Variants in CUBN observed in about 807,000 individuals in gnomAD.
CUBN encodes 460 kDa receptor.
CUBN carries 282 observed loss-of-function variants against 405.3 expected under a neutral mutation model. The ratio of observed to expected loss-of-function variants is 0.70; its 90% CI spans 0.63 to 0.77. The LOEUF (loss-of-function observed/expected upper bound fraction) is 0.77, where lower values mean the gene tolerates loss of function less well. Ranked by LOEUF, CUBN falls within the 30% of genes least tolerant of loss-of-function variation. CUBN has a pLI of 0.00. For missense variants in CUBN, 4,514 were observed against 4,475.2 expected (o/e 1.01, Z -0.25); for synonymous variants, 1,684 against 1,617.0 (o/e 1.04, Z -0.99).
In CUBN at chr10:16,948,747, G is replaced by A. The variant is rs1842849643; in HGVS notation, c.5081-141C>T. On this transcript the variant is annotated intron_variant, in intron 34 of 66. Coordinates refer to ENST00000377833, the MANE Select transcript of CUBN (RefSeq NM_001081.4). ...CCACTAGGAGAACCACTTCATTCAG[G>A]GTCAATGTTTGAGACAATACCTGAT... The A allele has an allele frequency of 8.1e-6, 8 of 993,728 alleles. No homozygotes were observed. The East Asian group carries it at 2.2e-4, about 27-fold the overall frequency. 61.6% of individuals were successfully genotyped at this position (993,728 alleles called of 1,614,324 possible). A position where few individuals can be genotyped will look rare whatever the true frequency, so the allele number is the denominator to read the frequency against.
At chr10:17,106,376 C>T (rs1836630344) in intron 10 of CUBN, among the ~76,000 whole-genome samples, 2 of 151,104 alleles carry the variant, frequency 1.3e-5, no homozygotes, top group South Asian at 4.2e-4. Context: ...CCGAGGCAGG[C>T]GGATCACCTG....
chr10:16,984,556 TC>T (rs1833366685), intron 29 of CUBN, among the ~76,000 whole-genome samples: 2 of 152,164 alleles, frequency 1.3e-5, no homozygotes, highest in Admixed American at 1.3e-4. Context: ...TCCAGAATCT[TC>T]CCTATCTCCT....
At chr10:17,104,662 A>T in intron 11 of CUBN, 57 bp from the exon 12 acceptor site, 1 of 1,142,132 alleles carries the variant, frequency 8.8e-7, no homozygotes, top group Non-Finnish European at 1.3e-6. Context: ...ACTAAACTTT[A>T]ATCAACCCAA....
At chr10:16,951,568 C>A (rs1223066169) in intron 33 of CUBN, among the ~76,000 whole-genome samples, 1 of 152,158 alleles carries the variant, frequency 6.6e-6, no homozygotes, top group Non-Finnish European at 1.5e-5. Flanking sequence ...CCCAGCATCA[C>A]CCGCTTTGCA....
intron 50 of CUBN, among the ~76,000 whole-genome samples, chr10:16,905,215 C>T (rs1364291918): frequency 1.3e-5 from 2 of 152,110 alleles, no homozygotes; most frequent in African/African-American, 2.4e-5. Flanking sequence ...CCTCTATCTA[C>T]TTGTTTATTT....
intron 14 of CUBN, among the ~76,000 whole-genome samples, chr10:17,089,782 C>T (rs549337533): frequency 3.9e-5 from 6 of 152,148 alleles, no homozygotes; most frequent in Admixed American, 1.3e-4. Flanking sequence ...AAATACAATA[C>T]GACAAGTGAA....
chr10:16,867,555 G>C (rs947627622), intron 59 of CUBN, among the ~76,000 whole-genome samples: 12 of 152,182 alleles, frequency 7.9e-5, no homozygotes, highest in Non-Finnish European at 1.5e-4. Flanking sequence ...TAGTTACAAT[G>C]ACTTGAAGTA....
At chr10:17,115,624 C>T in intron 6 of CUBN, 27 bp from the exon 7 acceptor site, 1 of 1,613,974 alleles carries the variant, frequency 6.2e-7, no homozygotes. Context: ...AGCACAATGT[C>T]AGGGCACGCG....
At chr10:16,914,111 T>A (rs553534430) in intron 47 of CUBN, 119 bp from the exon 48 acceptor site, 38 of 1,060,452 alleles carry the variant, frequency 3.6e-5, no homozygotes, top group South Asian at 3.2e-4. Context: ...TTAGTCTCCA[T>A]ATTTATTTAT....
At chr10:16,922,248 A>G (rs1474807292) in intron 43 of CUBN, among the ~76,000 whole-genome samples, 3 of 151,928 alleles carry the variant, frequency 2.0e-5, no homozygotes, top group Non-Finnish European at 4.4e-5. Context: ...AAACCTAACA[A>G]CTGCTCCTAA....
chr10:17,014,121 C>G (rs1450891628), intron 28 of CUBN, among the ~76,000 whole-genome samples: 2 of 152,188 alleles, frequency 1.3e-5, no homozygotes, highest in East Asian at 3.8e-4. Flanking sequence ...CCATTTACAT[C>G]ATGAGTAGTC....
chr10:17,076,481 C>G (rs942540582), intron 17 of CUBN, among the ~76,000 whole-genome samples: 2 of 47,878 alleles, frequency 4.2e-5, no homozygotes, highest in Non-Finnish European at 7.0e-5. Context: ...TGCACCCCCA[C>G]CAAAAAAAAA....
At chr10:16,900,904 A>C in intron 52 of CUBN, 54 bp from the exon 53 acceptor site, 1 of 1,164,586 alleles carries the variant, frequency 8.6e-7, no homozygotes, top group Non-Finnish European at 1.3e-6. Context: ...ACTGTTACGA[A>C]GATAAGGCCC....
At chr10:16,889,869 G>A (rs1364831804) in intron 55 of CUBN, among the ~76,000 whole-genome samples, 3 of 149,914 alleles carry the variant, frequency 2.0e-5, no homozygotes, top group Non-Finnish European at 4.4e-5. Flanking sequence ...CCCAGGACGT[G>A]GAGGGTGCAG....
At chr10:16,878,007 G>T (rs1840561302) in intron 56 of CUBN, among the ~76,000 whole-genome samples, 1 of 152,200 alleles carries the variant, frequency 6.6e-6, no homozygotes, top group Non-Finnish European at 1.5e-5. Context: ...TTATATTAGG[G>T]CCAGACATGG....
intron 6 of CUBN, 31 bp from the exon 7 acceptor site, chr10:17,115,628 G>T (rs746434559): frequency 6.2e-7 from 1 of 1,613,720 alleles, no homozygotes; most frequent in Non-Finnish European, 8.5e-7. Context: ...CAATGTCAGG[G>T]CACGCGCTTT....
intron 14 of CUBN, among the ~76,000 whole-genome samples, chr10:17,094,350 A>T (rs1245287254): frequency 6.6e-6 from 1 of 152,114 alleles, no homozygotes; most frequent in Non-Finnish European, 1.5e-5. Context: ...TAAAAAATGC[A>T]TTCTTAAACA....
At chr10:16,847,223 C>T (rs562565267) in intron 60 of CUBN, among the ~76,000 whole-genome samples, 11 of 152,234 alleles carry the variant, frequency 7.2e-5, no homozygotes, top group Admixed American at 1.3e-4. Flanking sequence ...GAGGCCGAGG[C>T]GGGCGGATCC....
rs138985602 is a variant in CUBN at position 16,946,973 on chromosome 10, C to G, written c.5342+262G>C. On this transcript the variant is annotated intron_variant, in intron 36 of 66. Coordinates refer to ENST00000377833, the MANE Select transcript of CUBN (RefSeq NM_001081.4). ...AAAAAAAAGATAAGATTCCTGTACT[C>G]TGAACATGAATGCGCCACAGATTCA... is the stretch of plus-strand genomic sequence containing the variant. 3.9e-5 allele frequency among the ~76,000 whole-genome samples: 6 copies of G among 152,252 alleles called. No individual in the cohort carries two copies. The East Asian group carries it at 9.7e-4, about 25-fold the overall frequency.
Sources: allele counts gnomAD v4.1 joint callset (sites outside exome capture counted in the v4.1 genomes callset), GRCh38; gene constraint gnomAD v4.1.1; transcripts MANE v1.5; gene names NCBI Gene and HGNC (gene_info 2026-07-23, HGNC 2026-07-21).